The following TMEM45A variants were observed in gnomAD, a reference collection of about 807,000 sequenced individuals.
TMEM45A encodes the protein DNA polymerase-transactivated protein 4.
Under a neutral mutation model 32.0 loss-of-function variants are expected in TMEM45A, and 25 were observed. The observed-to-expected ratio is 0.78, with a 90% CI of 0.57 to 1.09. The LOEUF is 1.09. Ranked by LOEUF, TMEM45A falls within the 50% of genes least tolerant of loss-of-function variation. TMEM45A has a pLI of 0.00. For missense variants in TMEM45A, 302 were observed against 325.0 expected (o/e 0.93, Z 0.54); for synonymous variants, 122 against 114.8 (o/e 1.06, Z -0.40).
rs1213095655 is a variant in TMEM45A, at chr3:100,555,193, G to A, written c.-3-16G>A. The A allele has an allele frequency of 6.3e-7, 1 of 1,581,478 alleles. No individual in the cohort carries two copies. Among genetic ancestry groups the A allele is most frequent in the African/African-American group, 1.4e-5 (1 of 73,156 alleles). On this transcript the variant is annotated splice_polypyrimidine_tract_variant and intron_variant, in intron 1 of 5. Transcript: ENST00000323523. ...ATGAAATGTCTTTTACTTTCTGTGT[G>A]TTCTTATATTTGTAGATCATGGGGA...
intron 1 of TMEM45A, among the ~76,000 whole-genome samples, chr3:100,535,695 A>C (rs748948696): frequency 6.6e-6 from 1 of 152,200 alleles, no homozygotes; most frequent in Non-Finnish European, 1.5e-5. Context: ...GGCCTCATAT[A>C]TGCATATTTA....
At chr3:100,555,933 T>C (rs1706213267) in intron 2 of TMEM45A, among the ~76,000 whole-genome samples, 1 of 152,210 alleles carries the variant, frequency 6.6e-6, no homozygotes, top group Admixed American at 6.5e-5. Flanking sequence ...TAGGAAAGTT[T>C]AACTGTTTGC....
chr3:100,540,590 G>A (rs148541941), intron 1 of TMEM45A, among the ~76,000 whole-genome samples: 121 of 152,248 alleles, frequency 7.9e-4, no homozygotes, highest in Middle Eastern at 3.4e-3. Context: ...ATTGCTAGTC[G>A]GAATGCAACA....
intron 1 of TMEM45A, among the ~76,000 whole-genome samples, chr3:100,522,914 G>C (rs1306608894): frequency 6.6e-6 from 1 of 152,194 alleles, no homozygotes; most frequent in Non-Finnish European, 1.5e-5. Flanking sequence ...GGAGAACCAA[G>C]TTCCTGTGGT....
intron 1 of TMEM45A, 72 bp from the exon 2 acceptor site, chr3:100,555,137 A>C: frequency 7.4e-7 from 1 of 1,348,318 alleles, no homozygotes. Flanking sequence ...TACTTTATGG[A>C]AACAAGTGAT....
chr3:100,568,488 C>A lies in TMEM45A; in HGVS notation c.589-334C>A, dbSNP rs573677506. ...CTGTGGGCATTTATTTATTTTAAAA[C>A]CTTTTTGTACTCCAATTTTGAAATA... On this transcript the variant is annotated intron_variant, in intron 4 of 5. Transcript: ENST00000323523. Among the ~76,000 whole-genome samples, 58 of 152,230 alleles carry A rather than the reference C, an allele frequency of 3.8e-4. No individual in the cohort carries two copies. The South Asian group carries it at 9.1e-3, about 24-fold the overall frequency.
chr3:100,526,031 A>G (rs992084365), intron 1 of TMEM45A, among the ~76,000 whole-genome samples: 1 of 152,062 alleles, frequency 6.6e-6, no homozygotes, highest in Non-Finnish European at 1.5e-5. Context: ...ACTCAGACTC[A>G]CCATCTGGGA....
chr3:100,541,559 C>T (rs1335950680), intron 1 of TMEM45A, among the ~76,000 whole-genome samples: 1 of 127,620 alleles, frequency 7.8e-6, no homozygotes, highest in Non-Finnish European at 1.6e-5. Context: ...GACAGGGTCT[C>T]ACTCCTGTCA....
chr3:100,498,569 G>C (rs1317244594), intron 1 of TMEM45A, among the ~76,000 whole-genome samples: 1 of 152,036 alleles, frequency 6.6e-6, no homozygotes, highest in South Asian at 2.1e-4. Flanking sequence ...ATCTGTCCAT[G>C]TATGTGTGTG....
chr3:100,577,095 G>T lies in TMEM45A; in HGVS notation c.*77G>T. On this transcript the variant is annotated 3_prime_UTR_variant, in exon 6 of 6. Transcript: ENST00000323523. ...TCTTGGTTTTGTTTCTCGATCTTTT[G>T]TTTGGAGAACAGCTGGCTAAGGATG... 1 of 1,256,196 alleles carries T rather than the reference G, an allele frequency of 8.0e-7. No homozygotes were observed. Among genetic ancestry groups the T allele is most frequent in the Non-Finnish European group, 1.1e-6 (1 of 884,412 alleles). 77.8% of individuals were successfully genotyped at this position (1,256,196 alleles called of 1,614,324 possible).
chr3:100,554,432 T>C (rs1416246307), intron 1 of TMEM45A, among the ~76,000 whole-genome samples: 1 of 152,144 alleles, frequency 6.6e-6, no homozygotes, highest in Non-Finnish European at 1.5e-5. Flanking sequence ...CACACCAAGG[T>C]TGCCCAGGCA....
At chr3:100,544,750 A>G (rs895727897) in intron 1 of TMEM45A, among the ~76,000 whole-genome samples, 1 of 152,170 alleles carries the variant, frequency 6.6e-6, no homozygotes, top group African/African-American at 2.4e-5. Flanking sequence ...TCACATGTCA[A>G]TGGGTTATTT....
chr3:100,515,532 G>A (rs1708247426), intron 1 of TMEM45A, among the ~76,000 whole-genome samples: 1 of 150,598 alleles, frequency 6.6e-6, no homozygotes, highest in Non-Finnish European at 1.5e-5. Context: ...AATGCTAGAT[G>A]ACGAGTTAGT....
At chr3:100,519,539 C>T (rs770341048) in intron 1 of TMEM45A, 20 of 1,550,472 alleles carry the variant, frequency 1.3e-5, no homozygotes, top group African/African-American at 5.5e-5. Flanking sequence ...ACAGTTCTAA[C>T]GTGCCTGATC....
chr3:100,515,815 T>A (rs67600559), intron 1 of TMEM45A, among the ~76,000 whole-genome samples: 44,784 of 151,626 alleles, frequency 0.3, 8,669 homozygotes, highest in African/African-American at 0.54. Context: ...AAGTAGAGAG[T>A]AGAATGGTGG....
chr3:100,523,815 CCTT>C (rs10589207), intron 1 of TMEM45A, among the ~76,000 whole-genome samples: 19,780 of 118,880 alleles, frequency 0.17, 2,052 homozygotes, highest in African/African-American at 0.37. Context: ...TCCTCCTCCT[CCTT>C]CTTCTTTTTC....
intron 1 of TMEM45A, among the ~76,000 whole-genome samples, chr3:100,525,209 A>G (rs1170110834): frequency 2.6e-5 from 4 of 152,130 alleles, no homozygotes; most frequent in Non-Finnish European, 4.4e-5. Flanking sequence ...GAAAAAGAGA[A>G]AAAAATGGAA....
At chr3:100,512,874 G>C (rs1004215346) in intron 1 of TMEM45A, among the ~76,000 whole-genome samples, 58 of 152,064 alleles carry the variant, frequency 3.8e-4, no homozygotes, top group Non-Finnish European at 6.9e-4. Flanking sequence ...AGAAAATCTA[G>C]AAGAAATGGA....
At chr3:100,571,154 A>G (rs1014689649) in intron 5 of TMEM45A, 2 of 152,158 alleles carry the variant, frequency 1.3e-5, no homozygotes, top group Non-Finnish European at 2.9e-5. Flanking sequence ...TCTGTTCTCC[A>G]TATCATTAGA....
Sources: allele counts gnomAD v4.1 joint callset (sites outside exome capture counted in the v4.1 genomes callset), GRCh38; gene constraint gnomAD v4.1.1; transcripts MANE v1.5; gene names NCBI Gene and HGNC (gene_info 2026-07-23, HGNC 2026-07-21).